Variants in NR6A1 observed in about 807,000 individuals in gnomAD.
NR6A1 encodes the protein retinoic acid receptor-related testis-associated receptor.
A neutral mutation model predicts 59.1 loss-of-function variants in NR6A1; 7 were observed. The ratio of observed to expected loss-of-function variants is 0.12; its 90% CI spans 0.07 to 0.22. The LOEUF (loss-of-function observed/expected upper bound fraction) is 0.22, where lower values mean the gene tolerates loss of function less well. Among genes scored for constraint, NR6A1 ranks in the 10% least tolerant of loss-of-function variants. NR6A1 has a pLI of 1.00. For synonymous variants in NR6A1, 243 were observed against 236.1 expected, an observed-to-expected ratio of 1.03 and a Z score of -0.27; for missense variants, 468 against 611.6, an observed-to-expected ratio of 0.77 and a Z score of 2.48.
chr9:124,571,167 T>C (rs1834427548), intron 2 of NR6A1, among the ~76,000 whole-genome samples: 1 of 152,038 alleles, frequency 6.6e-6, no homozygotes, highest in Non-Finnish European at 1.5e-5. Context: ...AGCCTTAGAG[T>C]AGAAGTATGT....
intron 2 of NR6A1, among the ~76,000 whole-genome samples, chr9:124,599,965 A>G (rs946781672): frequency 1.3e-5 from 2 of 152,324 alleles, no homozygotes; most frequent in Admixed American, 1.3e-4. Flanking sequence ...TTTGAGGCTG[A>G]AGGGGTAAGT....
rs72252917 is a variant in NR6A1, at chr9:124,612,793, T to TTTTCTTTCTTTCTTTC, written c.143-58239_143-58224dup. 2.5e-3 allele frequency among the ~76,000 whole-genome samples: 367 copies of TTTTCTTTCTTTCTTTC among 145,570 alleles called. 2 individuals carry two copies. Among genetic ancestry groups the TTTTCTTTCTTTCTTTC allele is most frequent in the Middle Eastern group, 0.014 (4 of 284 alleles). On this transcript the variant is annotated intron_variant, in intron 2 of 9. Coordinates refer to ENST00000487099, the MANE Select transcript of NR6A1 (RefSeq NM_033334.4). ...AGTAGTTTGGGTTTTTCTTTCTTTCTTTTCTTTCTTTCTTTCTTTCTTTCT... is the reference window on the plus strand; with the variant it reads ...AGTAGTTTGGGTTTTTCTTTCTTTCTTTTCTTTCTTTCTTTCTTTCTTTCTTTCTTTCTTTCTTTCT...
chr9:124,684,275 C>T lies in NR6A1; in HGVS notation c.142+49033G>A, dbSNP rs144252736. On this transcript the variant is annotated intron_variant, in intron 2 of 9. Coordinates refer to ENST00000487099, the MANE Select transcript of NR6A1 (RefSeq NM_033334.4). The stretch of plus-strand genomic sequence containing the variant: ...ACAGTGAAAACTCTTGGCAGGTGTT[C>T]TCTAAGCTCTAACTCCCTGCCTATG... 4.6e-3 allele frequency among the ~76,000 whole-genome samples: 703 copies of T among 152,310 alleles called. 6 individuals carry two copies. Among genetic ancestry groups the T allele is most frequent in the African/African-American group, 0.016 (657 of 41,572 alleles).
Position 124,633,427 on chromosome 9 carries a change from T to G in NR6A1, c.143-78857A>C, listed in dbSNP as rs552256075. Among the ~76,000 whole-genome samples, 73 of 143,194 alleles carry G rather than the reference T, an allele frequency of 5.1e-4. 1 individual carries two copies. In the South Asian group the frequency reaches 0.016, roughly 31 times the overall value. The allele number at this position is 143,194 out of a possible 152,430, so 93.9% of individuals were successfully genotyped here. ...CAAAAAAAAAAAAAAAAAAAAAAAGTTAGTGATATGAAGATCACAAGGTAG... is the reference window on the plus strand; with the variant it reads ...CAAAAAAAAAAAAAAAAAAAAAAAGGTAGTGATATGAAGATCACAAGGTAG... On this transcript the variant is annotated intron_variant, in intron 2 of 9. Transcript: ENST00000487099.
intron 2 of NR6A1, among the ~76,000 whole-genome samples, chr9:124,587,055 C>T (rs1834958521): frequency 6.6e-6 from 1 of 152,182 alleles, no homozygotes; most frequent in Non-Finnish European, 1.5e-5. Context: ...ACGGCCATAG[C>T]CATCCCCCAA....
chr9:124,702,529 C>T (rs1332600369), intron 2 of NR6A1, among the ~76,000 whole-genome samples: 1 of 152,078 alleles, frequency 6.6e-6, no homozygotes, highest in Non-Finnish European at 1.5e-5. Flanking sequence ...TGAAATGTGA[C>T]CCTCAATGTT....
At chr9:124,707,556 TTC>T (rs1839170580) in intron 2 of NR6A1, among the ~76,000 whole-genome samples, 1 of 152,158 alleles carries the variant, frequency 6.6e-6, no homozygotes, top group Admixed American at 6.5e-5. Flanking sequence ...CAAACTTTGT[TTC>T]TCTACATGTC....
intron 2 of NR6A1, among the ~76,000 whole-genome samples, chr9:124,673,133 G>A (rs1837846099): frequency 6.6e-6 from 1 of 152,006 alleles, no homozygotes; most frequent in Non-Finnish European, 1.5e-5. Context: ...ATCAGCCTCG[G>A]CAACATGGCA....
intron 2 of NR6A1, among the ~76,000 whole-genome samples, chr9:124,661,556 T>C (rs1430016251): frequency 2.6e-5 from 4 of 152,224 alleles, no homozygotes; most frequent in Non-Finnish European, 5.9e-5. Flanking sequence ...CAAAAAAGGC[T>C]TTGGAAACAT....
intron 2 of NR6A1, among the ~76,000 whole-genome samples, chr9:124,650,690 A>G (rs1837074027): frequency 6.6e-6 from 1 of 152,214 alleles, no homozygotes; most frequent in Admixed American, 6.5e-5. Context: ...TCAAAATATC[A>G]CATGTACCCT....
chr9:124,625,030 A>G (rs1471973441), intron 2 of NR6A1, among the ~76,000 whole-genome samples: 5 of 151,850 alleles, frequency 3.3e-5, no homozygotes, highest in Non-Finnish European at 7.4e-5. Context: ...GGTTCCAAAG[A>G]GCAGTATGAT....
chr9:124,694,740 AAGAC>A (rs1838686009), intron 2 of NR6A1, among the ~76,000 whole-genome samples: 2 of 152,210 alleles, frequency 1.3e-5, no homozygotes, highest in Admixed American at 1.3e-4. Flanking sequence ...AAAGTCAAAT[AAGAC>A]AGTAAGAGAA....
chr9:124,548,321 A>G (rs1213723324), intron 3 of NR6A1, among the ~76,000 whole-genome samples: 5 of 152,216 alleles, frequency 3.3e-5, no homozygotes, highest in African/African-American at 1.2e-4. Flanking sequence ...TCTTAATTTA[A>G]AAACAAACAA....
At chr9:124,526,122 G>C (rs1040118687) in intron 8 of NR6A1, among the ~76,000 whole-genome samples, 2 of 152,196 alleles carry the variant, frequency 1.3e-5, no homozygotes, top group Non-Finnish European at 2.9e-5. Flanking sequence ...TGCCACTATA[G>C]GAGCAGAGTA....
chr9:124,735,511 C>T (rs1219076249), intron 1 of NR6A1, among the ~76,000 whole-genome samples: 1 of 152,166 alleles, frequency 6.6e-6, no homozygotes, highest in Non-Finnish European at 1.5e-5. Flanking sequence ...GCCTCTAGAT[C>T]AGTCTAGGGA....
intron 2 of NR6A1, among the ~76,000 whole-genome samples, chr9:124,618,526 C>G (rs566228161): frequency 6.6e-6 from 1 of 152,148 alleles, no homozygotes; most frequent in East Asian, 1.9e-4. Context: ...AAGGTAACCA[C>G]GAGCCCAGAG....
intron 9 of NR6A1, 72 bp downstream of exon 9, chr9:124,524,649 C>T (rs991013327): frequency 6.4e-7 from 1 of 1,553,304 alleles, no homozygotes; most frequent in African/African-American, 1.4e-5. Flanking sequence ...CCTGAAAACA[C>T]TGCTTGCCTC....
chr9:124,559,208 T>G (rs80194795), intron 2 of NR6A1, among the ~76,000 whole-genome samples: 1 of 152,260 alleles, frequency 6.6e-6, no homozygotes, highest in East Asian at 1.9e-4. Context: ...AATTGCCCTG[T>G]ACAGATCTTT....
At chr9:124,663,578 T>C (rs1458801711) in intron 2 of NR6A1, among the ~76,000 whole-genome samples, 2 of 152,292 alleles carry the variant, frequency 1.3e-5, no homozygotes, top group East Asian at 1.9e-4. Context: ...CCAGTGTTTC[T>C]GGTACATGGA....
Sources: allele counts gnomAD v4.1 joint callset (sites outside exome capture counted in the v4.1 genomes callset), GRCh38; gene constraint gnomAD v4.1.1; transcripts MANE v1.5; gene names NCBI Gene and HGNC (gene_info 2026-07-23, HGNC 2026-07-21).